Variants in PIWIL3 observed in about 807,000 individuals in gnomAD.
The protein encoded by PIWIL3 is piwi like RNA-mediated gene silencing 3.
A neutral mutation model predicts 109.7 loss-of-function variants in PIWIL3; 101 were observed. The observed-to-expected ratio is 0.92, with a 90% confidence interval of 0.78 to 1.09. The LOEUF (loss-of-function observed/expected upper bound fraction) is 1.09. Ranked by LOEUF, PIWIL3 falls within the 50% of genes least tolerant of loss-of-function variation. The pLI is 0.00. For synonymous variants in PIWIL3, 373 were observed against 376.4 expected (o/e 0.99, Z 0.10); for missense variants, 1,031 against 1,072.6 (o/e 0.96, Z 0.54).
intron 12 of PIWIL3, among the ~76,000 whole-genome samples, chr22:24,738,428 A>G (rs979811322): frequency 1.3e-5 from 2 of 152,248 alleles, no homozygotes; most frequent in African/African-American, 4.8e-5. Context: ...TGGTGGTCAC[A>G]GTGGGCCTTG....
At position 24,731,646 on chromosome 22, in the gene PIWIL3, G is replaced by A. The variant is rs1247770454; in HGVS notation, c.1707+2438C>T. ...AGCCTGGGCGACAGAGTGAGACTCC[G>A]TCCAAAAAAAAAAAAAAGAAAAGTT... On this transcript the variant is annotated intron_variant, in intron 14 of 20. Transcript: ENST00000616349. Among the ~76,000 whole-genome samples, 9 of 145,804 alleles carry A rather than the reference G, an allele frequency of 6.2e-5. No individual in the cohort carries two copies. The South Asian group carries it at 1.1e-3, about 18-fold the overall frequency.
At chr22:24,744,179 A>T (rs57535235) in intron 12 of PIWIL3, among the ~76,000 whole-genome samples, 4,266 of 75,490 alleles carry the variant, frequency 0.057, 665 homozygotes, top group East Asian at 0.21. Flanking sequence ...TGACCGAATT[A>T]AAAAAAAAAA....
chr22:24,757,768 G>T, intron 4 of PIWIL3, 140 bp downstream of exon 4: 3 of 996,118 alleles, frequency 3.0e-6, no homozygotes, highest in Non-Finnish European at 4.2e-6. Flanking sequence ...GATCAGCTGA[G>T]CCCAGGAGTT....
intron 3 of PIWIL3, 73 bp from the exon 4 acceptor site, chr22:24,758,112 C>T (rs1925203911): frequency 6.7e-7 from 1 of 1,488,842 alleles, no homozygotes; most frequent in East Asian, 2.4e-5. Flanking sequence ...TAACACCCAG[C>T]ATAAGTTTGT....
chr22:24,720,047 A>G (rs1922570738), intron 19 of PIWIL3, 152 bp from the exon 20 acceptor site: 2 of 692,980 alleles, frequency 2.9e-6, no homozygotes, highest in Admixed American at 3.4e-5. Flanking sequence ...TAACTGATAA[A>G]CAACGATTTG....
chr22:24,758,180 G>A (rs1350720903), intron 3 of PIWIL3, 141 bp from the exon 4 acceptor site: 15 of 1,034,764 alleles, frequency 1.4e-5, no homozygotes, highest in African/African-American at 6.5e-5. Flanking sequence ...ATATGTTGCC[G>A]CAAAAGCGTA....
chr22:24,736,683 G>A (rs1282634088), intron 12 of PIWIL3, among the ~76,000 whole-genome samples: 2 of 151,496 alleles, frequency 1.3e-5, no homozygotes, highest in South Asian at 4.3e-4. Context: ...AAGAGGCACT[G>A]AAGGTAGGAA....
intron 2 of PIWIL3, 200 bp downstream of exon 2, chr22:24,762,198 G>C: frequency 9.9e-7 from 1 of 1,010,588 alleles, no homozygotes; most frequent in Non-Finnish European, 1.3e-6. Flanking sequence ...GAAAATGTGA[G>C]AAGGAAGCAG....
chr22:24,734,992 G>A (rs1340841512), intron 13 of PIWIL3, among the ~76,000 whole-genome samples: 1 of 151,916 alleles, frequency 6.6e-6, no homozygotes, highest in Non-Finnish European at 1.5e-5. Flanking sequence ...CATACTGTAT[G>A]AGTCTAACTA....
chr22:24,750,419 G>A (rs1259833025), intron 9 of PIWIL3, among the ~76,000 whole-genome samples: 1 of 150,546 alleles, frequency 6.6e-6, no homozygotes, highest in Non-Finnish European at 1.5e-5. Context: ...TTTGGACTGA[G>A]TTCTACAGGG....
At chr22:24,764,420 T>C (rs1925660836) in intron 1 of PIWIL3, among the ~76,000 whole-genome samples, 1 of 152,184 alleles carries the variant, frequency 6.6e-6, no homozygotes, top group African/African-American at 2.4e-5. Flanking sequence ...CCGGTGTAAC[T>C]AAATGCAGCT....
At position 24,749,827 on chromosome 22, in the gene PIWIL3, A is replaced by G; in HGVS notation, c.1090-8T>C. 1 of 1,613,674 alleles carries G rather than the reference A, an allele frequency of 6.2e-7. No homozygotes were observed. ...GACAATTTCTTTATGTTGCTGCTCA[A>G]CAAACAAGAGACCAGCATGACCATC... On this transcript the variant is annotated splice_region_variant and splice_polypyrimidine_tract_variant and intron_variant, in intron 9 of 20. Coordinates refer to ENST00000616349, the MANE Select transcript of PIWIL3 (RefSeq NM_001255975.1).
In PIWIL3 at chr22:24,728,343, C is replaced by T. The variant is rs574938118; in HGVS notation, c.1739G>A (p.Arg580His). ...GTATCTTTTTATGCTGTCATATCTACGTTTGTCATCATTGGGCAGGATACA... is the reference window on the plus strand; with the variant it reads ...GTATCTTTTTATGCTGTCATATCTATGTTTGTCATCATTGGGCAGGATACA... Reference protein sequence around the residue: ...VICILPNDDKRRYDSIKRYLC... With the variant: ...VICILPNDDKHRYDSIKRYLC... Residue 580 changes from arginine to histidine, a missense_variant, in exon 15 of 21, where the codon CGT (arginine) becomes CAT (histidine). Transcript: ENST00000616349. 2.4e-5 allele frequency: 39 copies of T among 1,614,130 alleles called. No individual in the cohort carries two copies. In the African/African-American group the frequency reaches 2.7e-4, roughly 11 times the overall value.
chr22:24,749,587 G>T, intron 10 of PIWIL3, 66 bp from the exon 11 acceptor site: 3 of 1,610,350 alleles, frequency 1.9e-6, no homozygotes, highest in Non-Finnish European at 2.5e-6. Flanking sequence ...AATTATAACA[G>T]CTGGAGGAAC....
At chr22:24,729,162 C>A (rs931958650) in intron 14 of PIWIL3, among the ~76,000 whole-genome samples, 1 of 152,160 alleles carries the variant, frequency 6.6e-6, no homozygotes, top group Non-Finnish European at 1.5e-5. Flanking sequence ...AGGACAGTTA[C>A]ACAGACAGCT....
chr22:24,751,226 A>G (rs1464051459), intron 9 of PIWIL3, among the ~76,000 whole-genome samples, 161 bp downstream of exon 9: 2 of 152,196 alleles, frequency 1.3e-5, no homozygotes, highest in East Asian at 3.9e-4. Flanking sequence ...CCTATATACA[A>G]GGCACGTGGA....
At position 24,749,577 on chromosome 22, in the gene PIWIL3, A is replaced by C. The variant is rs904290150; in HGVS notation, c.1217-56T>G. ...CAAGCATGAATTTGAGTGAGGACTA[A>C]ATTATAACAGCTGGAGGAACCTACT... On this transcript the variant is annotated intron_variant, in intron 10 of 20. Coordinates refer to ENST00000616349, the MANE Select transcript of PIWIL3 (RefSeq NM_001255975.1). 5 of 1,611,088 alleles carry C rather than the reference A, an allele frequency of 3.1e-6. No homozygotes were observed. The Admixed American group carries it at 6.7e-5, about 22-fold the overall frequency.
intron 1 of PIWIL3, among the ~76,000 whole-genome samples, chr22:24,763,271 A>C (rs942066129): frequency 6.6e-6 from 1 of 151,372 alleles, no homozygotes; most frequent in Non-Finnish European, 1.5e-5. Flanking sequence ...CAGCCTCCTG[A>C]GGCACACACC....
At chr22:24,760,736 C>T (rs60143977) in intron 2 of PIWIL3, among the ~76,000 whole-genome samples, 10,905 of 141,180 alleles carry the variant, frequency 0.077, 513 homozygotes, top group South Asian at 0.15. Context: ...GCCAAGATCA[C>T]GCCATTGCAC....
Sources: allele counts gnomAD v4.1 joint callset (sites outside exome capture counted in the v4.1 genomes callset), GRCh38; gene constraint gnomAD v4.1.1; transcripts MANE v1.5; gene names NCBI Gene and HGNC (gene_info 2026-07-23, HGNC 2026-07-21).